Variants in ERCC5 observed in about 807,000 individuals in gnomAD.
ERCC5 encodes DNA excision repair protein ERCC-5.
In ERCC5, 68 loss-of-function variants were observed where a neutral mutation model predicts 105.6. The ratio of observed to expected loss-of-function variants is 0.64; its 90% CI spans 0.53 to 0.79. ERCC5 has a LOEUF of 0.79. Among genes scored for constraint, ERCC5 ranks in the 30% least tolerant of loss-of-function variants. The pLI, the probability that ERCC5 is intolerant of heterozygous loss-of-function variation, is 0.00. For missense variants in ERCC5, 1,373 were observed against 1,426.7 expected, an observed-to-expected ratio of 0.96 and a Z score of 0.61; for synonymous variants, 546 against 526.2, an observed-to-expected ratio of 1.04 and a Z score of -0.51.
intron 8 of ERCC5, 34 bp downstream of exon 8, chr13:102,863,137 G>T (rs142607884): frequency 6.2e-7 from 1 of 1,600,972 alleles, no homozygotes; most frequent in African/African-American, 1.3e-5. Flanking sequence ...AATCTGGAAC[G>T]GTAGGATTTC....
Position 102,862,269 on chromosome 13 carries a change from G to A in ERCC5, c.1120G>A (p.Ala374Thr), listed in dbSNP as rs759875052. The A allele has an allele frequency of 3.3e-5, 53 of 1,614,004 alleles. No homozygotes were observed. Among genetic ancestry groups the A allele is most frequent in the African/African-American group, 2.1e-4 (16 of 74,900 alleles). ...TCGAAGGCAGGCCCGTGGGAGGAAC[G>A]CACCTGCTGCTGTAGACGAAGGCTC... is the stretch of plus-strand genomic sequence containing the variant. Reference protein sequence around the residue: ...ENRRQARGRNAPAAVDEGSIS... With the variant: ...ENRRQARGRNTPAAVDEGSIS... Residue 374 changes from alanine to threonine, a missense_variant, in exon 8 of 15, where the codon GCA becomes ACA. Ala to Thr is a moderately conservative substitution (Grantham distance 58, BLOSUM62 0). Around this residue, in one of 3 missense-constraint regions of ERCC5, gnomAD observed 1,004 missense variants for 1,059.7 expected, o/e 0.95. Transcript: ENST00000652225.
intron 12 of ERCC5, among the ~76,000 whole-genome samples, chr13:102,871,815 G>A (rs1321037393): frequency 6.6e-6 from 1 of 152,154 alleles, no homozygotes; most frequent in African/African-American, 2.4e-5. Context: ...ACCCAGAGAA[G>A]TTGTAACTTC....
At chr13:102,853,213 A>C (rs1177250989) in intron 2 of ERCC5, among the ~76,000 whole-genome samples, 1 of 152,200 alleles carries the variant, frequency 6.6e-6, no homozygotes, top group Non-Finnish European at 1.5e-5. Flanking sequence ...TTAGAAAGGA[A>C]AAGAGAATAT....
rs774812850 is a variant in ERCC5 at position 102,852,329 on chromosome 13, AT to A, written c.264+43del. 1.9e-6 allele frequency: 3 copies of A among 1,605,950 alleles called. No individual in the cohort carries two copies. In the African/African-American group the frequency reaches 4.0e-5, roughly 22 times the overall value. ...TATAGTTTTTAGTAAGTGTCAAATA[AT>A]TTTTTTCTTTCTGCATTCTTAGAAA... On this transcript the variant is annotated intron_variant, in intron 2 of 14. Coordinates refer to ENST00000652225, the MANE Select transcript of ERCC5 (RefSeq NM_000123.4).
At chr13:102,847,100 T>G (rs1397152799) in intron 1 of ERCC5, among the ~76,000 whole-genome samples, 1 of 152,182 alleles carries the variant, frequency 6.6e-6, no homozygotes, top group Non-Finnish European at 1.5e-5. Flanking sequence ...TTTGCTTGAG[T>G]CTTGCCCCAT....
intron 8 of ERCC5, among the ~76,000 whole-genome samples, chr13:102,864,160 AC>A (rs1882750315): frequency 2.0e-5 from 3 of 151,040 alleles, no homozygotes; most frequent in African/African-American, 7.3e-5. Context: ...ACACACACAC[AC>A]ACACAATTTG....
intron 14 of ERCC5, among the ~76,000 whole-genome samples, 161 bp downstream of exon 14, chr13:102,873,504 A>G (rs1208039527): frequency 6.6e-6 from 1 of 152,196 alleles, no homozygotes; most frequent in Non-Finnish European, 1.5e-5. Context: ...AAGAAAAGTT[A>G]GACTTTGGCT....
intron 11 of ERCC5, 106 bp from the exon 12 acceptor site, chr13:102,868,006 TG>T: frequency 9.7e-7 from 1 of 1,032,614 alleles, no homozygotes. Flanking sequence ...TTTTGGTGGT[TG>T]GATATAGATA....
chr13:102,869,175 G>A lies in ERCC5; in HGVS notation c.2678+918G>A, dbSNP rs1472454558. On this transcript the variant is annotated intron_variant, in intron 12 of 14. Coordinates refer to ENST00000652225, the MANE Select transcript of ERCC5 (RefSeq NM_000123.4). ...GACTGGAATCACTGAAATGAACGGCGAAACTGTTGTAGTGATCATGGTCTT... is the reference window on the plus strand; with the variant it reads ...GACTGGAATCACTGAAATGAACGGCAAAACTGTTGTAGTGATCATGGTCTT... Among the ~76,000 whole-genome samples, 5 of 152,294 alleles carry A rather than the reference G, an allele frequency of 3.3e-5. No homozygotes were observed. In the South Asian group the frequency reaches 6.2e-4, roughly 19 times the overall value.
At chr13:102,869,340 G>T (rs778388557) in intron 12 of ERCC5, among the ~76,000 whole-genome samples, 8 of 152,118 alleles carry the variant, frequency 5.3e-5, no homozygotes, top group Non-Finnish European at 1.0e-4. Context: ...TAAATAACTT[G>T]AAAACCTACA....
At chr13:102,848,019 C>T (rs1170879494) in intron 1 of ERCC5, among the ~76,000 whole-genome samples, 2 of 152,092 alleles carry the variant, frequency 1.3e-5, no homozygotes, top group African/African-American at 4.8e-5. Flanking sequence ...ATTAGCTGGA[C>T]GTGGTGGCCT....
chr13:102,856,782 G>T (rs4150287), intron 5 of ERCC5, among the ~76,000 whole-genome samples: 2 of 152,172 alleles, frequency 1.3e-5, no homozygotes, highest in African/African-American at 4.8e-5. Context: ...TCTTCCATGC[G>T]GCCAGCACCA....
At chr13:102,873,175 A>G (rs570842333) in intron 13 of ERCC5, 84 bp from the exon 14 acceptor site, 1 of 1,550,130 alleles carries the variant, frequency 6.5e-7, no homozygotes, top group East Asian at 2.3e-5. Flanking sequence ...AGGGAATGGA[A>G]TCAAGAATGG....
intron 1 of ERCC5, among the ~76,000 whole-genome samples, 157 bp downstream of exon 1, chr13:102,846,511 G>C (rs1309568792): frequency 6.6e-6 from 1 of 152,146 alleles, no homozygotes; most frequent in Non-Finnish European, 1.5e-5. Context: ...TCTAAGTACA[G>C]TCGTCCCTCG....
chr13:102,863,891 G>A (rs4150326), intron 8 of ERCC5, among the ~76,000 whole-genome samples: 4,374 of 152,016 alleles, frequency 0.029, 86 homozygotes, highest in Non-Finnish European at 0.044. Context: ...GCTTCACACA[G>A]GTCACTAATT....
intron 1 of ERCC5, among the ~76,000 whole-genome samples, chr13:102,850,328 G>A (rs1028389180): frequency 6.6e-6 from 1 of 152,116 alleles, no homozygotes; most frequent in African/African-American, 2.4e-5. Context: ...AGAACTAGGC[G>A]GAGAGAGGGA....
intron 14 of ERCC5, among the ~76,000 whole-genome samples, chr13:102,873,921 A>G (rs1221094099): frequency 2.0e-5 from 3 of 152,224 alleles, no homozygotes; most frequent in Non-Finnish European, 4.4e-5. Context: ...AAACATACAT[A>G]CAAATAAACC....
At chr13:102,863,149 C>A (rs750792179) in intron 8 of ERCC5, 46 bp downstream of exon 8, 2 of 1,589,762 alleles carry the variant, frequency 1.3e-6, no homozygotes, top group African/African-American at 1.3e-5. Flanking sequence ...TAGGATTTCC[C>A]CTCTGTAGGA....
At chr13:102,849,526 C>T in intron 1 of ERCC5, 1 of 451,568 alleles carries the variant, frequency 2.2e-6, no homozygotes. Flanking sequence ...GCTTGCTTTC[C>T]ACTAGGTATT....
Sources: allele counts gnomAD v4.1 joint callset (sites outside exome capture counted in the v4.1 genomes callset), GRCh38; gene constraint gnomAD v4.1.1; regional missense constraint gnomAD v4.1.1; transcripts MANE v1.5; gene names NCBI Gene and HGNC (gene_info 2026-07-23, HGNC 2026-07-21).